BTC: variants seen among roughly 807,000 people sequenced by gnomAD.
BTC encodes the protein probetacellulin.
In BTC, 13 loss-of-function variants were observed where a neutral mutation model predicts 18.1. The observed-to-expected ratio is 0.72, with a 90% confidence interval of 0.47 to 1.14. The LOEUF is 1.14. Ranked by LOEUF, BTC falls within the 50% of genes most tolerant of loss-of-function variation. The pLI is 0.00. For synonymous variants in BTC, 83 were observed against 79.4 expected (o/e 1.05, Z -0.24); for missense variants, 247 against 224.2 (o/e 1.10, Z -0.65).
At chr4:74,769,229 T>C (rs903007961) in intron 2 of BTC, among the ~76,000 whole-genome samples, 4 of 152,140 alleles carry the variant, frequency 2.6e-5, no homozygotes, top group African/African-American at 9.7e-5. Context: ...CTGTGTTTTG[T>C]TTTCTTTTTT....
chr4:74,782,293 ACCCACTATGTGTCCATGTG>A (rs1725352762), intron 1 of BTC, among the ~76,000 whole-genome samples: 3 of 152,058 alleles, frequency 2.0e-5, no homozygotes, highest in African/African-American at 7.2e-5. Flanking sequence ...GTGTGTTGTT[ACCCACTATGTGTCCATGTG>A]TTCACATCAT....
At chr4:74,769,234 T>G (rs1244265221) in intron 2 of BTC, among the ~76,000 whole-genome samples, 5 of 151,886 alleles carry the variant, frequency 3.3e-5, no homozygotes, top group Admixed American at 3.3e-4. Flanking sequence ...TTTTGTTTTC[T>G]TTTTTTTAAG....
chr4:74,793,479 C>G (rs1194505837), intron 1 of BTC, among the ~76,000 whole-genome samples: 1 of 152,224 alleles, frequency 6.6e-6, no homozygotes, highest in Non-Finnish European at 1.5e-5. Context: ...CCAGATGTGT[C>G]TACAGCCCAG....
At chr4:74,749,931 CA>C (rs782482968) in intron 4 of BTC, among the ~76,000 whole-genome samples, 22,838 of 74,030 alleles carry the variant, frequency 0.31, 1,579 homozygotes, top group Middle Eastern at 0.36. Flanking sequence ...CCAGTCTCCA[CA>C]AAAAAAAAAA....
chr4:74,750,802 T>C (rs967207869), intron 3 of BTC, 83 bp from the exon 4 acceptor site: 40 of 1,495,182 alleles, frequency 2.7e-5, no homozygotes, highest in Non-Finnish European at 3.6e-5. Flanking sequence ...AATTAACAGT[T>C]CTCATTACTT....
rs575294419 is a variant in BTC at position 74,774,927 on chromosome 4, G to A, written c.65-4771C>T. On this transcript the variant is annotated intron_variant, in intron 1 of 5. Transcript: ENST00000395743. ...GATAGCACCAGGTATGCAGAAAAAA[G>A]AAAGGCCTATGAGGGATAGCCACAG... 2.2e-4 allele frequency among the ~76,000 whole-genome samples: 33 copies of A among 152,150 alleles called. No homozygotes were observed. The South Asian group carries it at 6.0e-3, about 28-fold the overall frequency.
intron 2 of BTC, among the ~76,000 whole-genome samples, chr4:74,765,819 A>G (rs1011942917): frequency 2.0e-5 from 3 of 152,164 alleles, no homozygotes; most frequent in Admixed American, 6.6e-5. Flanking sequence ...GCCAGAAAGG[A>G]TGATATATAG....
At chr4:74,775,328 A>G (rs1725148416) in intron 1 of BTC, among the ~76,000 whole-genome samples, 1 of 152,174 alleles carries the variant, frequency 6.6e-6, no homozygotes, top group Non-Finnish European at 1.5e-5. Context: ...TGAAATAAGA[A>G]AGTTTAAAGG....
chr4:74,749,483 A>AAAAT (rs10654944), intron 4 of BTC, among the ~76,000 whole-genome samples: 46,284 of 143,132 alleles, frequency 0.32, 8,328 homozygotes, highest in East Asian at 0.4. Flanking sequence ...ACTCTGTCTC[A>AAAAT]AAATAAATAA....
chr4:74,788,204 T>C (rs1322331397), intron 1 of BTC, among the ~76,000 whole-genome samples: 2 of 152,206 alleles, frequency 1.3e-5, no homozygotes, highest in Non-Finnish European at 2.9e-5. Flanking sequence ...ATCATGTTCT[T>C]ATCCAGACAA....
rs564812315 is a variant in BTC at position 74,748,213 on chromosome 4, A to G, written c.429-64T>C. 2.1e-4 allele frequency: 207 copies of G among 984,784 alleles called. 1 individual carries two copies. The East Asian group carries it at 4.8e-3, about 23-fold the overall frequency. 61.0% of individuals were successfully genotyped at this position (984,784 alleles called of 1,614,324 possible). On this transcript the variant is annotated intron_variant, in intron 4 of 5. Transcript: ENST00000395743. ...AGTTCATGCGAACACAAAATTATCC[A>G]TCAAGAGATCCTATGATCAGGTTTC...
Position 74,746,633 on chromosome 4 carries a change from C to A in BTC, c.*44G>T, listed in dbSNP as rs1338896942. 1.2e-4 allele frequency: 19 copies of A among 152,552 alleles called. No individual in the cohort carries two copies. 9.4% of individuals were successfully genotyped at this position (152,552 alleles called of 1,614,324 possible). On this transcript the variant is annotated 3_prime_UTR_variant, in exon 6 of 6. Coordinates refer to ENST00000395743, the MANE Select transcript of BTC (RefSeq NM_001729.4). Reference sequence around the variant, plus strand: ...TCTGTCCATTTTCAAATGAGCAAGGCACTTTGCAGCTTGCCACCAACCTGG... The same window carrying A: ...TCTGTCCATTTTCAAATGAGCAAGGAACTTTGCAGCTTGCCACCAACCTGG...
At chr4:74,782,231 G>A (rs370163320) in intron 1 of BTC, among the ~76,000 whole-genome samples, 25 of 152,048 alleles carry the variant, frequency 1.6e-4, no homozygotes, top group African/African-American at 5.1e-4. Flanking sequence ...TAAGCTCAAC[G>A]TCCATTAGCT....
In BTC at chr4:74,763,959, C is replaced by A. The variant is rs1724832394; in HGVS notation, c.163+6099G>T. On this transcript the variant is annotated intron_variant, in intron 2 of 5. Transcript: ENST00000395743. Reference sequence around the variant, plus strand: ...TGTATACATGTGTCAAAACAGCCCACTGTATCCTGTAAATATGTATAATTA... The same window carrying A: ...TGTATACATGTGTCAAAACAGCCCAATGTATCCTGTAAATATGTATAATTA... Among the ~76,000 whole-genome samples the A allele has an allele frequency of 2.7e-5, 4 of 150,576 alleles. No homozygotes were observed. In the South Asian group the frequency reaches 8.4e-4, roughly 32 times the overall value.
intron 1 of BTC, among the ~76,000 whole-genome samples, chr4:74,770,949 A>G (rs1033646257): frequency 5.5e-4 from 82 of 149,014 alleles, no homozygotes; most frequent in African/African-American, 2.0e-3. Context: ...GTGTGTGTGT[A>G]TAATTATGGA....
chr4:74,760,101 C>A (rs1724709761), intron 2 of BTC, among the ~76,000 whole-genome samples: 1 of 152,174 alleles, frequency 6.6e-6, no homozygotes. Context: ...TTGTAGATGA[C>A]ATTAATATCA....
At chr4:74,785,226 G>C (rs1389330259) in intron 1 of BTC, among the ~76,000 whole-genome samples, 1 of 152,156 alleles carries the variant, frequency 6.6e-6, no homozygotes, top group Non-Finnish European at 1.5e-5. Context: ...GGTGTTTATA[G>C]TATTCTCTGA....
intron 2 of BTC, among the ~76,000 whole-genome samples, chr4:74,756,414 T>C (rs915254852): frequency 9.9e-5 from 15 of 152,224 alleles, no homozygotes; most frequent in African/African-American, 2.4e-4. Flanking sequence ...GTCTGTTTGC[T>C]TCTTGTATAT....
At chr4:74,752,697 C>A (rs1024575965) in intron 3 of BTC, among the ~76,000 whole-genome samples, 2 of 151,814 alleles carry the variant, frequency 1.3e-5, no homozygotes, top group Admixed American at 6.6e-5. Flanking sequence ...CTTTTAATTG[C>A]ATGTATACGA....
Sources: gnomAD v4.1 joint callset for allele counts (sites outside exome capture counted in the v4.1 genomes callset) on GRCh38, gnomAD v4.1.1 for gene constraint, MANE v1.5 for transcripts, NCBI Gene and HGNC (gene_info 2026-07-23, HGNC 2026-07-21) for gene names.